The following ELAPOR1 variants were observed in gnomAD, a reference collection of about 807,000 sequenced individuals.
ELAPOR1 encodes the protein endosome-lysosome associated apoptosis and autophagy regulator 1, also known as endosome/lysosome-associated apoptosis and autophagy regulator 1.
In ELAPOR1, 77 loss-of-function variants were observed where a neutral mutation model predicts 119.7. That is an observed-to-expected ratio of 0.64 (90% CI 0.54 to 0.78). ELAPOR1 has a LOEUF of 0.78. Ranked by LOEUF, ELAPOR1 falls within the 30% of genes least tolerant of loss-of-function variation. The pLI is 0.00. For synonymous variants in ELAPOR1, 481 were observed against 487.2 expected (o/e 0.99, Z 0.17); for missense variants, 1,115 against 1,270.4 (o/e 0.88, Z 1.86).
intron 2 of ELAPOR1, among the ~76,000 whole-genome samples, chr1:109,162,534 G>A (rs1166891399): frequency 2.6e-5 from 4 of 152,158 alleles, no homozygotes; most frequent in Non-Finnish European, 4.4e-5. Context: ...GTGGCTTGCC[G>A]CAGCCCCAGC....
intron 15 of ELAPOR1, among the ~76,000 whole-genome samples, chr1:109,196,731 A>G (rs1243598254): frequency 1.3e-5 from 2 of 150,784 alleles, no homozygotes; most frequent in Non-Finnish European, 2.9e-5. Context: ...TTGCCAGGCT[A>G]GAGTGCAGTG....
chr1:109,202,083 G>A (rs1319252692), intron 21 of ELAPOR1, among the ~76,000 whole-genome samples: 2 of 152,156 alleles, frequency 1.3e-5, no homozygotes, highest in African/African-American at 4.8e-5. Flanking sequence ...CTGGGCAACA[G>A]AGCGAGACCC....
intron 8 of ELAPOR1, chr1:109,186,968 C>T (rs1175346871): frequency 4.1e-6 from 4 of 985,434 alleles, no homozygotes; most frequent in South Asian, 9.4e-5. Context: ...AGCACTGAAG[C>T]GTGTGCTTTC....
In ELAPOR1 at chr1:109,133,233, GA is replaced by G. The variant is rs563569164; in HGVS notation, c.153+18905del. ...TGACAGAGCAAGACCTTGTCTCAAA[GA>G]AAAAAAAGTACAACTTAGAATGACA... is the stretch of plus-strand genomic sequence containing the variant. On this transcript the variant is annotated intron_variant, in intron 1 of 21. Coordinates refer to ENST00000369939, the MANE Select transcript of ELAPOR1 (RefSeq NM_020775.5). Among the ~76,000 whole-genome samples, 15 of 149,936 alleles carry G rather than the reference GA, an allele frequency of 1.0e-4. No individual in the cohort carries two copies. In the East Asian group the frequency reaches 2.9e-3, roughly 29 times the overall value.
At chr1:109,199,607 C>T (rs1654035168) in intron 18 of ELAPOR1, among the ~76,000 whole-genome samples, 1 of 152,220 alleles carries the variant, frequency 6.6e-6, no homozygotes, top group South Asian at 2.1e-4. Flanking sequence ...CAATAGCTCT[C>T]ATAAGATGTC....
chr1:109,137,707 T>A (rs1285180933), intron 1 of ELAPOR1, among the ~76,000 whole-genome samples: 1 of 151,118 alleles, frequency 6.6e-6, no homozygotes, highest in African/African-American at 2.4e-5. Flanking sequence ...TTTGTATTTT[T>A]AGTAGAGACG....
At chr1:109,162,891 A>C (rs549301576) in intron 2 of ELAPOR1, among the ~76,000 whole-genome samples, 12 of 152,262 alleles carry the variant, frequency 7.9e-5, no homozygotes, top group Non-Finnish European at 1.8e-4. Flanking sequence ...TGATGTGCAC[A>C]TGCAGTGTGA....
intron 8 of ELAPOR1, among the ~76,000 whole-genome samples, chr1:109,186,040 A>G (rs1041621138): frequency 1.3e-5 from 2 of 151,934 alleles, no homozygotes; most frequent in African/African-American, 2.4e-5. Context: ...ACAAATGGGT[A>G]TATAATATAG....
At chr1:109,158,548 C>G (rs1651036917) in intron 1 of ELAPOR1, among the ~76,000 whole-genome samples, 1 of 152,082 alleles carries the variant, frequency 6.6e-6, no homozygotes, top group Non-Finnish European at 1.5e-5. Context: ...CTACAGTTCC[C>G]CACCCTCTCA....
At chr1:109,187,256 C>G (rs530191100) in intron 8 of ELAPOR1, 21 of 985,446 alleles carry the variant, frequency 2.1e-5, no homozygotes, top group South Asian at 9.4e-5. Flanking sequence ...TCCTAGGACT[C>G]TCCTCTCCCT....
At chr1:109,189,283 T>C (rs1653276678) in intron 10 of ELAPOR1, 89 bp downstream of exon 10, 1 of 1,474,868 alleles carries the variant, frequency 6.8e-7, no homozygotes, top group Non-Finnish European at 9.2e-7. Context: ...TAGTGATGTC[T>C]GAGAAAAATA....
At chr1:109,183,349 CAAAAAAAAGAGAG>C (rs1558057645) in intron 7 of ELAPOR1, among the ~76,000 whole-genome samples, 1 of 9,698 alleles carries the variant, frequency 1.0e-4, no homozygotes, top group Non-Finnish European at 2.7e-4. Context: ...AAAAAAAAAA[CAAAAAAAAGAGAG>C]AGAGAGAGAA....
chr1:109,194,459 C>G lies in ELAPOR1; in HGVS notation c.1986C>G (p.Arg662=). Residue 662 remains arginine, a synonymous_variant, in exon 15 of 22, where the codon CGC becomes CGG. Coordinates refer to ENST00000369939, the MANE Select transcript of ELAPOR1 (RefSeq NM_020775.5). ...SLCYNDCTFS[R]NTPTRTFNYN... Reference sequence around the variant, plus strand: ...GCTACAACGATTGCACCTTCTCACGCAACACTCCGACCAGGACTTTCAACT... The same window carrying G: ...GCTACAACGATTGCACCTTCTCACGGAACACTCCGACCAGGACTTTCAACT... 6.2e-7 allele frequency: 1 copy of G among 1,613,848 alleles called. No homozygotes were observed. The highest frequency in any genetic ancestry group is 8.5e-7 in the Non-Finnish European group (1 of 1,179,712).
At chr1:109,153,373 G>C (rs1650654284) in intron 1 of ELAPOR1, among the ~76,000 whole-genome samples, 2 of 152,036 alleles carry the variant, frequency 1.3e-5, no homozygotes, top group Non-Finnish European at 1.5e-5. Context: ...TTTAAAATAA[G>C]GAAAAATGGA....
chr1:109,191,387 AG>A lies in ELAPOR1; in HGVS notation c.1462del (p.Asp488ThrfsTer20), dbSNP rs752618219. 2 of 1,614,144 alleles carry A rather than the reference AG, an allele frequency of 1.2e-6. No individual in the cohort carries two copies. The highest frequency in any genetic ancestry group is 2.2e-5 in the South Asian group (2 of 91,088). On this transcript the variant is annotated frameshift_variant, in exon 12 of 22. Coordinates refer to ENST00000369939, the MANE Select transcript of ELAPOR1 (RefSeq NM_020775.5). LOFTEE classifies it high-confidence loss of function. The part of the protein sequence containing the change: ...GFRPPQSVMA[D>X]TENKEVARIT... ...ACAGACCTCCGCAGTCGGTGATGGC[AG>A]ACACAGAGAATAAAGAGGTGGCCAG...
intron 1 of ELAPOR1, among the ~76,000 whole-genome samples, chr1:109,149,847 G>A (rs561854771): frequency 2.0e-5 from 3 of 152,204 alleles, no homozygotes; most frequent in Non-Finnish European, 2.9e-5. Flanking sequence ...TGAGAGGGGG[G>A]AGCCAATTGC....
chr1:109,144,061 A>ATATATATATTTTTTTTTTTT, intron 1 of ELAPOR1, among the ~76,000 whole-genome samples: 25 of 88,986 alleles, frequency 2.8e-4, no homozygotes, highest in South Asian at 7.1e-4. Flanking sequence ...ATATTTATAT[A>ATATATATATTTTTTTTTTTT]TTTTTTTTTT....
intron 3 of ELAPOR1, 57 bp downstream of exon 3, chr1:109,164,748 G>A: frequency 1.3e-6 from 2 of 1,514,828 alleles, no homozygotes; most frequent in East Asian, 2.3e-5. Flanking sequence ...GGGCTACAGG[G>A]CACACTGGAC....
At chr1:109,172,421 A>G (rs555123489) in intron 4 of ELAPOR1, 67 bp from the exon 5 acceptor site, 2 of 1,186,268 alleles carry the variant, frequency 1.7e-6, no homozygotes, top group Non-Finnish European at 2.5e-6. Context: ...GGGCTGGTGC[A>G]ATGTGGGGAA....
Sources: allele counts gnomAD v4.1 joint callset (sites outside exome capture counted in the v4.1 genomes callset), GRCh38; gene constraint gnomAD v4.1.1; transcripts MANE v1.5; gene names NCBI Gene and HGNC (gene_info 2026-07-23, HGNC 2026-07-21).